The following C2CD2L variants were observed in gnomAD, a reference collection of about 807,000 sequenced individuals.
C2CD2L encodes C2CD2 like.
Under a neutral mutation model 69.9 loss-of-function variants are expected in C2CD2L, and 24 were observed. The observed-to-expected ratio is 0.34, with a 90% CI of 0.25 to 0.48. The LOEUF is 0.48. Among genes scored for constraint, C2CD2L ranks in the 20% least tolerant of loss-of-function variants. The probability of loss-of-function intolerance (pLI) is 0.99; values close to 1 mark genes in which losing one functional copy is unlikely to be tolerated. For missense variants in C2CD2L, 811 were observed against 941.5 expected (o/e 0.86, Z 1.81); for synonymous variants, 367 against 391.0 (o/e 0.94, Z 0.72).
In C2CD2L at chr11:119,110,701, C is replaced by T. The variant is rs777324202; in HGVS notation, c.570+21C>T. On this transcript the variant is annotated intron_variant, in intron 3 of 13. Coordinates refer to ENST00000648610, the MANE Select transcript of C2CD2L (RefSeq NM_001290474.2). This position sits in a 1 kb window ranked among gnomAD's most constrained non-coding sequence, Gnocchi z 5.7. ...CACAGGTAGAAGGGGATGTGGGAAA[C>T]TGAGTTGGGCAGGGGCGGTTCCATT... is the stretch of plus-strand genomic sequence containing the variant. The T allele has an allele frequency of 1.1e-5, 18 of 1,613,582 alleles. No homozygotes were observed. The African/African-American group carries it at 2.3e-4, about 20-fold the overall frequency.
At position 119,112,349 on chromosome 11, in the gene C2CD2L, G is replaced by A. The variant is rs1946766635; in HGVS notation, c.1041G>A (p.Arg347=). Residue 347 remains arginine (R), a synonymous_variant, in exon 8 of 14, where the codon CGG becomes CGA. Transcript: ENST00000648610. ...ACAGGGATCTGGGCCCCCAGAGCCG[G>A]GAGCTGACCCTCAAAGTGCTGAGGA... is the stretch of plus-strand genomic sequence containing the variant. ...DLALDLGPQS[R]ELTLKVLRSS... The A allele has an allele frequency of 6.2e-7, 1 of 1,613,100 alleles. No homozygotes were observed. Among genetic ancestry groups the A allele is most frequent in the African/African-American group, 1.3e-5 (1 of 74,990 alleles).
At position 119,111,392 on chromosome 11, in the gene C2CD2L, C is replaced by T. The variant is rs2134956061; in HGVS notation, c.910+18C>T. 1 of 1,609,428 alleles carries T rather than the reference C, an allele frequency of 6.2e-7. No homozygotes were observed. Among genetic ancestry groups the T allele is most frequent in the African/African-American group, 1.3e-5 (1 of 74,956 alleles). ...GCTGGAAGGTGAGAGCTGGAAGTGG[C>T]TGCGGGACTGCCAAGGCTATGGTTG... On this transcript the variant is annotated intron_variant, in intron 6 of 13. Transcript: ENST00000648610.
At position 119,117,953 on chromosome 11, in the gene C2CD2L, C is replaced by T. The variant is rs1006745592; in HGVS notation, c.*1697C>T. ...TGACATTCTATGACTACCTATATCT[C>T]AGGGTGTTTAGGGCACATGCCTTTG... On this transcript the variant is annotated 3_prime_UTR_variant, in exon 14 of 14. Transcript: ENST00000648610. 6.6e-6 allele frequency: 1 copy of T among 152,160 alleles called. No homozygotes were observed. Among genetic ancestry groups the T allele is most frequent in the East Asian group, 1.9e-4 (1 of 5,200 alleles). 9.4% of individuals were successfully genotyped at this position (152,160 alleles called of 1,614,324 possible).
Position 119,112,627 on chromosome 11 carries a change from G to A in C2CD2L, c.1212+18G>A. 6.2e-7 allele frequency: 1 copy of A among 1,607,234 alleles called. No homozygotes were observed. The highest frequency in any genetic ancestry group is 1.1e-5 in the South Asian group (1 of 90,794). ...CAGTGGAGGTGAGAAGCTGACCCCT[G>A]GGGTAGGTGGGAGGACACAGGGGAT... On this transcript the variant is annotated intron_variant, in intron 9 of 13. Transcript: ENST00000648610.
At chr11:119,115,876 C>T in intron 13 of C2CD2L, 169 bp from the exon 14 acceptor site, 1 of 605,004 alleles carries the variant, frequency 1.7e-6, no homozygotes. Flanking sequence ...TTTCACGAAG[C>T]CTTATGGAGA....
chr11:119,103,318 T>C (rs1228896877), upstream of C2CD2L, among the ~76,000 whole-genome samples: 1 of 152,226 alleles, frequency 6.6e-6, no homozygotes, highest in Non-Finnish European at 1.5e-5. Context: ...TAGCGCTTTG[T>C]CCACTCTTCC....
At position 119,107,786 on chromosome 11, in the gene C2CD2L, G is replaced by T; in HGVS notation, c.45G>T (p.Leu15Phe). 1 of 1,548,380 alleles carries T rather than the reference G, an allele frequency of 6.5e-7. No individual in the cohort carries two copies. The highest frequency in any genetic ancestry group is 8.6e-7 in the Non-Finnish European group (1 of 1,159,978). The change falls in exon 1 of 14, where the codon TTG (leucine) becomes TTT (phenylalanine). Residue 15 changes from leucine to phenylalanine, a missense_variant. By Grantham distance (22) the Leu-to-Phe change is conservative (BLOSUM62 0). Transcript: ENST00000648610. This position sits in a 1 kb window ranked among gnomAD's most constrained non-coding sequence, Gnocchi z 5.4. ...AGCGGGACGTGGGCTGGGCGGCCTT[G>T]CTGATCCTCTTCGCCGCCTCGCTGC... is the stretch of plus-strand genomic sequence containing the variant. Reference protein sequence around the residue: ...WGQRDVGWAALLILFAASLLT... With the variant: ...WGQRDVGWAAFLILFAASLLT...
rs1392211782 is a variant in C2CD2L, at chr11:119,114,314, GA to G, written c.1861del (p.Thr621ArgfsTer17). 6.2e-7 allele frequency: 1 copy of G among 1,614,178 alleles called. No individual in the cohort carries two copies. The highest frequency in any genetic ancestry group is 8.5e-7 in the Non-Finnish European group (1 of 1,180,036). ...ERPSVDDIES[E>X]TGSTGALETR... ...GCCATCTGTGGATGATATTGAGTCG[GA>G]AACGGGGTCCACTGGTGCCCTGGAG... is the stretch of plus-strand genomic sequence containing the variant. On this transcript the variant is annotated frameshift_variant, in exon 13 of 14. Coordinates refer to ENST00000648610, the MANE Select transcript of C2CD2L (RefSeq NM_001290474.2). LOFTEE classifies it high-confidence loss of function. The surrounding 1 kb of genome is among the most constrained non-coding windows in gnomAD (Gnocchi z 5.1).
At chr11:119,103,367 G>A (rs1158799456), upstream of C2CD2L, among the ~76,000 whole-genome samples, 1 of 152,168 alleles carries the variant, frequency 6.6e-6, no homozygotes, top group African/African-American at 2.4e-5. Flanking sequence ...CATGTTGACC[G>A]TTTTTAAGCC....
rs1469882066 is a variant in C2CD2L at position 119,115,567 on chromosome 11, CTT to C, written c.1910-476_1910-475del. 2.7e-5 allele frequency: 5 copies of C among 185,618 alleles called. No homozygotes were observed. In the Admixed American group the frequency reaches 2.8e-4, roughly 10 times the overall value. 11.5% of individuals were successfully genotyped at this position (185,618 alleles called of 1,614,324 possible). On this transcript the variant is annotated intron_variant, in intron 13 of 13. Transcript: ENST00000648610. Reference sequence around the variant, plus strand: ...CATTATACTGGTTCTGAATTTACCTCTTTGAAGTTTCTAGATGCACCACTTCC... The same window carrying C: ...CATTATACTGGTTCTGAATTTACCTCTGAAGTTTCTAGATGCACCACTTCC...
chr11:119,112,507 G>T lies in C2CD2L; in HGVS notation c.1110G>T (p.Leu370=). The T allele has an allele frequency of 6.2e-7, 1 of 1,613,776 alleles. No homozygotes were observed. Among genetic ancestry groups the T allele is most frequent in the Non-Finnish European group, 8.5e-7 (1 of 1,179,884 alleles). The part of the protein sequence containing the change: ...GDTELLGQAT[L]PVGSPSRPLS... ...CCGAACTCCTAGGCCAGGCCACACT[G>T]CCTGTGGGCTCCCCCTCCAGACCAC... Residue 370 remains leucine (L), a synonymous_variant, in exon 9 of 14, where the codon CTG becomes CTT. Coordinates refer to ENST00000648610, the MANE Select transcript of C2CD2L (RefSeq NM_001290474.2).
intron 1 of C2CD2L, chr11:119,108,317 T>G: frequency 2.0e-6 from 1 of 495,672 alleles, no homozygotes; most frequent in Non-Finnish European, 3.5e-6. Context: ...GTACTCTGGT[T>G]CCAAACCCAT....
Position 119,112,391 on chromosome 11 carries a change from C to G in C2CD2L, c.1083C>G (p.Asp361Glu), listed in dbSNP as rs545384365. ...TGCTGAGGAGCAGCAGCTGTGGAGA[C>G]AGTAAGTGAGGGGTGGGAGGGGCAC... The part of the protein sequence containing the change: ...LKVLRSSSCG[D>E]TELLGQATLP... The change falls in exon 8 of 14, where the codon GAC (aspartate) becomes GAG (glutamate). Residue 361 changes from aspartate (D) to glutamate (E), a missense_variant and splice_region_variant. Physicochemically the swap from Asp to Glu is conservative, Grantham distance 45 (BLOSUM62 2). Transcript: ENST00000648610. 24 of 1,613,654 alleles carry G rather than the reference C, an allele frequency of 1.5e-5. 1 individual carries two copies. In the South Asian group the frequency reaches 2.5e-4, roughly 17 times the overall value.
At position 119,112,483 on chromosome 11, in the gene C2CD2L, C is replaced by A; in HGVS notation, c.1086C>A (p.Thr362=). 6.2e-7 allele frequency: 1 copy of A among 1,613,818 alleles called. No individual in the cohort carries two copies. The highest frequency in any genetic ancestry group is 1.1e-5 in the South Asian group (1 of 91,066). The part of the protein sequence containing the change: ...KVLRSSSCGD[T]ELLGQATLPV... ...TCACAGTGCCATCCCTTTCCCCAGC[C>A]GAACTCCTAGGCCAGGCCACACTGC... is the stretch of plus-strand genomic sequence containing the variant. The change falls in exon 9 of 14, where the codon ACC becomes ACA. Residue 362 remains threonine (T), a splice_region_variant and synonymous_variant. Transcript: ENST00000648610.
rs1171483842 is a variant in C2CD2L, at chr11:119,113,298, C to T, written c.1388-313C>T. 1.2e-5 allele frequency: 5 copies of T among 403,672 alleles called. No individual in the cohort carries two copies. In the East Asian group the frequency reaches 2.2e-4, roughly 17 times the overall value. 25.0% of individuals were successfully genotyped at this position (403,672 alleles called of 1,614,324 possible). A position where few individuals can be genotyped will look rare whatever the true frequency, so the allele number is the denominator to read the frequency against. On this transcript the variant is annotated intron_variant, in intron 10 of 13. Transcript: ENST00000648610. ...CCCCACTCAGTGGGCCCCCATGGCACTTCTGCCATTATAGGGGCCCCACTG... is the reference window on the plus strand; with the variant it reads ...CCCCACTCAGTGGGCCCCCATGGCATTTCTGCCATTATAGGGGCCCCACTG...
rs928743731 is a variant in C2CD2L at position 119,117,484 on chromosome 11, A to G, written c.*1228A>G. On this transcript the variant is annotated 3_prime_UTR_variant, in exon 14 of 14. Transcript: ENST00000648610. ...CTAATTACTTGTGTGACCTTGGGCAAGTTATGTAACCTCTAAGTGCCTCAG... is the reference window on the plus strand; with the variant it reads ...CTAATTACTTGTGTGACCTTGGGCAGGTTATGTAACCTCTAAGTGCCTCAG... The G allele has an allele frequency of 6.6e-6, 1 of 152,222 alleles. No homozygotes were observed. Among genetic ancestry groups the G allele is most frequent in the South Asian group, 2.1e-4 (1 of 4,834 alleles). The allele number at this position is 152,222 out of a possible 1,614,324, so 9.4% of individuals were successfully genotyped here. A position where few individuals can be genotyped will look rare whatever the true frequency, so the allele number is the denominator to read the frequency against.
Position 119,111,533 on chromosome 11 carries a change from T to C in C2CD2L, c.923T>C (p.Leu308Pro). Residue 308 changes from leucine (L) to proline (P), a missense_variant, in exon 7 of 14, where the codon CTG (leucine) becomes CCG (proline). Transcript: ENST00000648610. ...LGNELEGTEE[L>P]CCVAELDNPM... The stretch of plus-strand genomic sequence containing the variant: ...TGGTTCATCACAGGCACCGAGGAAC[T>C]GTGCTGTGTAGCTGAACTCGACAAC... 6.2e-7 allele frequency: 1 copy of C among 1,614,106 alleles called. No homozygotes were observed. Among genetic ancestry groups the C allele is most frequent in the Non-Finnish European group, 8.5e-7 (1 of 1,179,942 alleles).
intron 9 of C2CD2L, 36 bp from the exon 10 acceptor site, chr11:119,112,664 G>T (rs1178848324): frequency 6.2e-7 from 1 of 1,609,330 alleles, no homozygotes; most frequent in Non-Finnish European, 8.5e-7. Flanking sequence ...GGCAGTCTCC[G>T]AGGCTCTGTC....
At chr11:119,102,532 G>A (rs1260345594), upstream of C2CD2L, among the ~76,000 whole-genome samples, 1 of 152,150 alleles carries the variant, frequency 6.6e-6, no homozygotes, top group Non-Finnish European at 1.5e-5. Flanking sequence ...TGCCCCAGCT[G>A]TAGCAGTTAG....
Sources: gnomAD v4.1 joint callset for allele counts (sites outside exome capture counted in the v4.1 genomes callset) on GRCh38, gnomAD v4.1.1 for gene constraint, Gnocchi (gnomAD v3.1) non-coding constraint, MANE v1.5 for transcripts, NCBI Gene and HGNC (gene_info 2026-07-23, HGNC 2026-07-21) for gene names.